The following PPM1H variants were observed in gnomAD, a reference collection of about 807,000 sequenced individuals.
The protein encoded by PPM1H is protein phosphatase 1H.
A neutral mutation model predicts 54.9 loss-of-function variants in PPM1H; 27 were observed. That is an observed-to-expected ratio of 0.49 (90% CI 0.36 to 0.68). PPM1H has a LOEUF of 0.68. PPM1H is among the 30% of genes least tolerant of loss of function. The pLI is 0.00. For synonymous variants in PPM1H, 305 were observed against 270.8 expected (o/e 1.13, Z -1.24); for missense variants, 596 against 667.8 (o/e 0.89, Z 1.19).
rs1346746755 is a variant in PPM1H, at chr12:62,675,232, T to C, written c.1246-7903A>G. On this transcript the variant is annotated intron_variant, in intron 8 of 9. Transcript: ENST00000228705. Reference sequence around the variant, plus strand: ...AGATACGATATAACAGATCAAAAAGTTTCTTTCTAAACCAGCTAAAATATG... The same window carrying C: ...AGATACGATATAACAGATCAAAAAGCTTCTTTCTAAACCAGCTAAAATATG... Among the ~76,000 whole-genome samples the C allele has an allele frequency of 2.0e-5, 3 of 152,180 alleles. No homozygotes were observed. The East Asian group carries it at 5.8e-4, about 29-fold the overall frequency.
At chr12:62,821,116 G>A (rs1475290303) in intron 2 of PPM1H, among the ~76,000 whole-genome samples, 1 of 152,120 alleles carries the variant, frequency 6.6e-6, no homozygotes, top group Non-Finnish European at 1.5e-5. Context: ...AGAGAACTAC[G>A]TAACGCATGC....
chr12:62,913,546 T>C (rs772567), intron 1 of PPM1H, among the ~76,000 whole-genome samples: 49,967 of 152,068 alleles, frequency 0.33, 9,827 homozygotes, highest in Non-Finnish European at 0.45. Context: ...GTTCAGCTCC[T>C]GACTCATGTC....
chr12:62,726,800 T>C, intron 5 of PPM1H, among the ~76,000 whole-genome samples: 1 of 152,226 alleles, frequency 6.6e-6, no homozygotes, highest in Non-Finnish European at 1.5e-5. Context: ...ATTGCTCAAG[T>C]CAGCATTCTG....
At chr12:62,799,951 C>T (rs185938340) in intron 3 of PPM1H, among the ~76,000 whole-genome samples, 9 of 152,248 alleles carry the variant, frequency 5.9e-5, no homozygotes, top group South Asian at 2.1e-4. Flanking sequence ...AACAATCCTC[C>T]GGCCTCAGCC....
intron 4 of PPM1H, chr12:62,756,149 C>A: frequency 2.4e-6 from 2 of 843,454 alleles, no homozygotes; most frequent in South Asian, 1.3e-5. Flanking sequence ...ACCACTTTGT[C>A]AAGCTCATTT....
intron 1 of PPM1H, among the ~76,000 whole-genome samples, chr12:62,906,931 G>A (rs979260439): frequency 6.6e-6 from 1 of 152,234 alleles, no homozygotes; most frequent in African/African-American, 2.4e-5. Flanking sequence ...GAATATAAAT[G>A]TGTCTAGAAC....
At chr12:62,782,886 G>A (rs2076650012) in intron 4 of PPM1H, among the ~76,000 whole-genome samples, 1 of 152,138 alleles carries the variant, frequency 6.6e-6, no homozygotes, top group Non-Finnish European at 1.5e-5. Context: ...GGAGTGCAGT[G>A]GTGTGATCAC....
At chr12:62,664,716 C>G (rs1356563360) in intron 9 of PPM1H, among the ~76,000 whole-genome samples, 1 of 152,180 alleles carries the variant, frequency 6.6e-6, no homozygotes, top group African/African-American at 2.4e-5. Context: ...ATCCATTTTA[C>G]TTCTCAGATA....
At chr12:62,783,171 G>T (rs143070150) in intron 4 of PPM1H, among the ~76,000 whole-genome samples, 2 of 152,116 alleles carry the variant, frequency 1.3e-5, no homozygotes, top group East Asian at 1.9e-4. Context: ...ACTTTGGGAC[G>T]CTTGGAAGGA....
At chr12:62,840,652 C>CTG in intron 1 of PPM1H, among the ~76,000 whole-genome samples, 2 of 152,186 alleles carry the variant, frequency 1.3e-5, no homozygotes, top group South Asian at 4.2e-4. Context: ...GAGGAACAGC[C>CTG]TGTGAAAACT....
intron 2 of PPM1H, 131 bp downstream of exon 2, chr12:62,831,983 C>T (rs1464011252): frequency 2.8e-6 from 3 of 1,088,690 alleles, no homozygotes; most frequent in Non-Finnish European, 3.9e-6. Context: ...AGGCCCGCCA[C>T]CCCACTAACT....
chr12:62,814,328 C>G (rs2076852960), intron 2 of PPM1H, among the ~76,000 whole-genome samples: 1 of 152,142 alleles, frequency 6.6e-6, no homozygotes, highest in Admixed American at 6.5e-5. Context: ...AGCTATCCTC[C>G]CACGTTGGCC....
At chr12:62,914,654 C>T (rs1408451271) in intron 1 of PPM1H, among the ~76,000 whole-genome samples, 9 of 152,174 alleles carry the variant, frequency 5.9e-5, no homozygotes, top group Non-Finnish European at 1.2e-4. Flanking sequence ...TCTCCATTAT[C>T]ATTCAAGAGG....
Position 62,851,404 on chromosome 12 carries a change from T to C in PPM1H, c.246-19125A>G, listed in dbSNP as rs1460902954. Among the ~76,000 whole-genome samples, 62 of 151,770 alleles carry C rather than the reference T, an allele frequency of 4.1e-4. 2 individuals carry two copies. The highest frequency in any genetic ancestry group is 4.1e-3 in the Admixed American group (62 of 15,226). ...CTACAGTGCTAGTTAAAAGGAAAAA[T>C]AAAACTAAATTGCTAGGGCTGGGCG... On this transcript the variant is annotated intron_variant, in intron 1 of 9. Coordinates refer to ENST00000228705, the MANE Select transcript of PPM1H (RefSeq NM_020700.2).
intron 4 of PPM1H, among the ~76,000 whole-genome samples, chr12:62,784,731 G>C (rs535380940): frequency 3.0e-4 from 45 of 152,152 alleles, no homozygotes; most frequent in Non-Finnish European, 5.9e-4. Flanking sequence ...GTGGTTTCTT[G>C]GGAATAACTG....
chr12:62,744,353 C>A lies in PPM1H; in HGVS notation c.870-6767G>T, dbSNP rs562867289. On this transcript the variant is annotated intron_variant, in intron 4 of 9. Coordinates refer to ENST00000228705, the MANE Select transcript of PPM1H (RefSeq NM_020700.2). ...GGGCGTGGTGGTGGGTGCCTATAAT[C>A]CCAGCTACTTGGGAGGATGAGGCAG... Among the ~76,000 whole-genome samples, 3 of 151,742 alleles carry A rather than the reference C, an allele frequency of 2.0e-5. No homozygotes were observed. The East Asian group carries it at 5.8e-4, about 29-fold the overall frequency.
At chr12:62,755,627 T>C (rs1293516063) in intron 4 of PPM1H, 4 of 654,968 alleles carry the variant, frequency 6.1e-6, no homozygotes, top group African/African-American at 1.8e-5. Context: ...GTGATGGGCA[T>C]GAAGCATGAG....
At chr12:62,914,202 G>A (rs975820118) in intron 1 of PPM1H, among the ~76,000 whole-genome samples, 26 of 152,112 alleles carry the variant, frequency 1.7e-4, no homozygotes, top group African/African-American at 6.3e-4. Flanking sequence ...GTTCCTGAGA[G>A]CTGGTTGTTA....
At chr12:62,921,893 T>G (rs1401262304) in intron 1 of PPM1H, among the ~76,000 whole-genome samples, 1 of 152,222 alleles carries the variant, frequency 6.6e-6, no homozygotes, top group Non-Finnish European at 1.5e-5. Context: ...ACTTACGATT[T>G]AAGCCCCATT....
Sources: gnomAD v4.1 joint callset for allele counts (sites outside exome capture counted in the v4.1 genomes callset) on GRCh38, gnomAD v4.1.1 for gene constraint, MANE v1.5 for transcripts, NCBI Gene and HGNC (gene_info 2026-07-23, HGNC 2026-07-21) for gene names.